The following NEDD9 variants were observed in gnomAD, a reference collection of about 807,000 sequenced individuals.
NEDD9 encodes the protein neural precursor cell expressed, developmentally down-regulated 9.
In NEDD9, 26 loss-of-function variants were observed where a neutral mutation model predicts 76.6. That is an observed-to-expected ratio of 0.34 (90% CI 0.25 to 0.47). The LOEUF is 0.47. NEDD9 is among the 20% of genes least tolerant of loss of function. The probability of loss-of-function intolerance (pLI) is 1.00; values close to 1 mark genes in which losing one functional copy is unlikely to be tolerated. For missense variants in NEDD9, 937 were observed against 1,058.5 expected, an observed-to-expected ratio of 0.89 and a Z score of 1.59; for synonymous variants, 392 against 414.2, an observed-to-expected ratio of 0.95 and a Z score of 0.65.
intron 3 of NEDD9, among the ~76,000 whole-genome samples, chr6:11,270,860 T>C (rs1760292213): frequency 6.6e-6 from 1 of 152,144 alleles, no homozygotes; most frequent in South Asian, 2.1e-4. Flanking sequence ...CAGGGAAGGC[T>C]TCTAGGAGGA....
chr6:11,332,231 G>A (rs900612404), intron 2 of NEDD9, among the ~76,000 whole-genome samples: 1 of 152,148 alleles, frequency 6.6e-6, no homozygotes, highest in Non-Finnish European at 1.5e-5. Context: ...TTACCTTCAT[G>A]TTTCCATTTC....
chr6:11,295,072 G>A (rs570607002), intron 3 of NEDD9, among the ~76,000 whole-genome samples: 16 of 152,198 alleles, frequency 1.1e-4, no homozygotes, highest in South Asian at 8.3e-4. Context: ...AGGCCTCCCC[G>A]GCCATGTGGA....
chr6:11,231,907 C>CA (rs1353541772), intron 1 of NEDD9, among the ~76,000 whole-genome samples: 1 of 152,198 alleles, frequency 6.6e-6, no homozygotes, highest in Non-Finnish European at 1.5e-5. Flanking sequence ...AAAATGTTTT[C>CA]AAGAAATGGC....
At chr6:11,210,766 G>GGGGAGAGA (rs1554125281) in intron 2 of NEDD9, among the ~76,000 whole-genome samples, 29 of 121,930 alleles carry the variant, frequency 2.4e-4, no homozygotes, top group East Asian at 1.1e-3. Context: ...AGGGATGGGG[G>GGGGAGAGA]GAGAGAGAGA....
intron 3 of NEDD9, among the ~76,000 whole-genome samples, chr6:11,264,567 A>G (rs1760172008): frequency 6.6e-6 from 1 of 152,210 alleles, no homozygotes; most frequent in African/African-American, 2.4e-5. Context: ...GTGTGTCTTG[A>G]AAACCAATCC....
rs979702869 is a variant in NEDD9, at chr6:11,370,946, G to A, written c.-214+11193C>T. 2.0e-5 allele frequency among the ~76,000 whole-genome samples: 3 copies of A among 152,138 alleles called. No homozygotes were observed. The highest frequency in any genetic ancestry group is 7.2e-5 in the African/African-American group (3 of 41,428). ...ATGTGAGGGAGGGCTGGCGGATTGG[G>A]TGACTTGTGGCCCAGAGCTGAATGA... On this transcript the variant is annotated intron_variant, in intron 1 of 3. Coordinates refer to the NEDD9 transcript ENST00000397378. This position sits in a 1 kb window ranked among gnomAD's most constrained non-coding sequence, Gnocchi z 4.2.
intron 2 of NEDD9, among the ~76,000 whole-genome samples, chr6:11,207,818 G>A (rs1195696994): frequency 6.6e-6 from 1 of 152,136 alleles, no homozygotes; most frequent in Non-Finnish European, 1.5e-5. Context: ...GAGTTCACAG[G>A]GAAAATAGAA....
rs756758584 is a variant in NEDD9 at position 11,190,546 on chromosome 6, C to T, written c.1323G>A (p.Met441Ile). ...TGCGTATTTCATTGATGTGTCTTTC[C>T]ATATATCCGTAACACCGCCAGTCGG... ...VTTDWRCYGY[M>I]ERHINEIRTA... Residue 441 changes from methionine to isoleucine, a missense_variant, in exon 5 of 7, where the codon ATG becomes ATA. Coordinates refer to ENST00000379446, the MANE Select transcript of NEDD9 (RefSeq NM_006403.4). The surrounding 1 kb of genome is among the most constrained non-coding windows in gnomAD (Gnocchi z 5.8). 4.3e-6 allele frequency: 7 copies of T among 1,614,172 alleles called. No individual in the cohort carries two copies. The South Asian group carries it at 4.4e-5, about 10-fold the overall frequency.
intron 1 of NEDD9, among the ~76,000 whole-genome samples, chr6:11,381,851 GA>G (rs1477218113): frequency 6.6e-6 from 1 of 152,228 alleles, no homozygotes; most frequent in Non-Finnish European, 1.5e-5. Context: ...ACAGTAGGAA[GA>G]GGGGAGGGGC....
intron 1 of NEDD9, among the ~76,000 whole-genome samples, chr6:11,354,039 C>T (rs1051247572): frequency 6.6e-6 from 1 of 152,108 alleles, no homozygotes; most frequent in Non-Finnish European, 1.5e-5. Context: ...AAATTAGCCA[C>T]AAGGTATAAC....
In NEDD9 at chr6:11,213,504, G is replaced by A; in HGVS notation, c.236C>T (p.Ser79Phe). 1 of 1,614,184 alleles carries A rather than the reference G, an allele frequency of 6.2e-7. No individual in the cohort carries two copies. The highest frequency in any genetic ancestry group is 8.5e-7 in the Non-Finnish European group (1 of 1,180,042). Residue 79 changes from serine (S) to phenylalanine (F), a missense_variant, in exon 2 of 7, where the codon TCT becomes TTT. Transcript: ENST00000379446. This position sits in a 1 kb window ranked among gnomAD's most constrained non-coding sequence, Gnocchi z 5.4. ...GCCAAAGGTCTGCTGCATCAGTCCA[G>A]AGGCAGGCTGCTCGTGACTGGAGGC... is the stretch of plus-strand genomic sequence containing the variant. ...ETASSHEQPA[S>F]GLMQQTFGQQ...
intron 3 of NEDD9, chr6:11,305,705 G>A (rs1046316973): frequency 1.7e-5 from 7 of 416,140 alleles, no homozygotes; most frequent in African/African-American, 4.0e-5. Flanking sequence ...AGGCTTGCTC[G>A]GGCACCATTA....
intron 3 of NEDD9, among the ~76,000 whole-genome samples, chr6:11,192,771 A>G (rs867964591): frequency 3.8e-4 from 58 of 150,804 alleles, no homozygotes; most frequent in Middle Eastern, 3.4e-3. Flanking sequence ...CATCTCTACT[A>G]AAAATACAAA....
intron 3 of NEDD9, among the ~76,000 whole-genome samples, chr6:11,247,345 T>C (rs1281410797): frequency 6.6e-6 from 1 of 152,236 alleles, no homozygotes; most frequent in East Asian, 1.9e-4. Context: ...GTCTGCCATG[T>C]ATGAATCCCT....
At chr6:11,293,963 G>A (rs2876226) in intron 3 of NEDD9, among the ~76,000 whole-genome samples, 15,466 of 151,680 alleles carry the variant, frequency 0.1, 933 homozygotes, top group Admixed American at 0.17. Flanking sequence ...ACAAATGACA[G>A]GACTTCCTTC....
chr6:11,287,548 ACAG>A (rs1299740028), intron 3 of NEDD9, among the ~76,000 whole-genome samples: 1 of 150,320 alleles, frequency 6.7e-6, no homozygotes, highest in Non-Finnish European at 1.5e-5. Context: ...ACACACACAC[ACAG>A]AACACATAAA....
At chr6:11,310,458 A>G (rs1443386590) in intron 2 of NEDD9, among the ~76,000 whole-genome samples, 1 of 152,144 alleles carries the variant, frequency 6.6e-6, no homozygotes, top group South Asian at 2.1e-4. Context: ...CTTACTCTGC[A>G]TCAATCGCCC....
chr6:11,204,718 T>TTA (rs1561786771), intron 2 of NEDD9, among the ~76,000 whole-genome samples: 21 of 26,794 alleles, frequency 7.8e-4, no homozygotes, highest in African/African-American at 4.1e-3. Flanking sequence ...AGGGTCCGTC[T>TTA]CAAAAAAAAA....
intron 3 of NEDD9, among the ~76,000 whole-genome samples, chr6:11,278,184 A>G (rs560439354): frequency 2.2e-3 from 338 of 152,252 alleles, no homozygotes; most frequent in African/African-American, 7.2e-3. Context: ...AGCCTCTGGG[A>G]ACCACAGTAG....
Sources: gnomAD v4.1 joint callset for allele counts (sites outside exome capture counted in the v4.1 genomes callset) on GRCh38, gnomAD v4.1.1 for gene constraint, Gnocchi (gnomAD v3.1) non-coding constraint, MANE v1.5 for transcripts, NCBI Gene and HGNC (gene_info 2026-07-23, HGNC 2026-07-21) for gene names.